ADAMTS6: variants seen among roughly 807,000 people sequenced by gnomAD.
ADAMTS6 encodes ADAM metallopeptidase with thrombospondin type 1 motif 6.
In ADAMTS6, 23 loss-of-function variants were observed where a neutral mutation model predicts 144.3. That is an observed-to-expected ratio of 0.16 (90% confidence interval 0.11 to 0.23). The LOEUF is 0.23. Ranked by LOEUF, ADAMTS6 falls within the 10% of genes least tolerant of loss-of-function variation. ADAMTS6 has a pLI of 1.00. For synonymous variants in ADAMTS6, 444 were observed against 457.5 expected, an observed-to-expected ratio of 0.97 and a Z score of 0.38; for missense variants, 999 against 1,379.6, an observed-to-expected ratio of 0.72 and a Z score of 4.37.
At chr5:65,288,323 T>C (rs572493758) in intron 11 of ADAMTS6, among the ~76,000 whole-genome samples, 5 of 151,226 alleles carry the variant, frequency 3.3e-5, no homozygotes, top group South Asian at 2.1e-4. Context: ...CTTTTCTTTT[T>C]TTTTTTTTTA....
chr5:65,407,019 T>C (rs1193596847), intron 7 of ADAMTS6, among the ~76,000 whole-genome samples: 1 of 152,108 alleles, frequency 6.6e-6, no homozygotes, highest in Non-Finnish European at 1.5e-5. Context: ...TTGGTGTACC[T>C]GAAAGTGACA....
At chr5:65,171,961 A>G (rs1753654290) in intron 23 of ADAMTS6, among the ~76,000 whole-genome samples, 2 of 151,770 alleles carry the variant, frequency 1.3e-5, no homozygotes, top group Non-Finnish European at 2.9e-5. Flanking sequence ...CAGAAAGCCT[A>G]TGAAATTTGG....
Position 65,334,045 on chromosome 5 carries a change from G to A in ADAMTS6, c.1114C>T (p.Leu372=), listed in dbSNP as rs772681229. 6.7e-6 allele frequency: 8 copies of A among 1,186,014 alleles called. No homozygotes were observed. The highest frequency in any genetic ancestry group is 2.1e-5 in the South Asian group (1 of 48,266). 73.5% of individuals were successfully genotyped at this position (1,186,014 alleles called of 1,614,324 possible). Residue 372 remains leucine (L), a synonymous_variant, in exon 8 of 25, where the codon CTG becomes TTG. Coordinates refer to ENST00000381055, the MANE Select transcript of ADAMTS6 (RefSeq NM_197941.4). ...CTYKNKPCGT[L]GLASVAGMCE... ...AAAAAAACCAAAAAAAACTTACCCAGTGTTCCACAGGGCTTATTTTTATAA... is the reference window on the plus strand; with the variant it reads ...AAAAAAACCAAAAAAAACTTACCCAATGTTCCACAGGGCTTATTTTTATAA...
chr5:65,237,486 G>A (rs1160686090), intron 15 of ADAMTS6, among the ~76,000 whole-genome samples: 1 of 151,000 alleles, frequency 6.6e-6, no homozygotes. Context: ...TTTAATAACA[G>A]GTTTTCACAA....
Position 65,174,604 on chromosome 5 carries a change from G to C in ADAMTS6, c.2911-1596C>G, listed in dbSNP as rs1753852517. Among the ~76,000 whole-genome samples the C allele has an allele frequency of 4.6e-5, 7 of 152,234 alleles. No individual in the cohort carries two copies. In the South Asian group the frequency reaches 1.4e-3, roughly 31 times the overall value. On this transcript the variant is annotated intron_variant, in intron 22 of 24. Transcript: ENST00000381055. Reference sequence around the variant, plus strand: ...GGAACTTGCCCACTCCATTTGAGTGGAAGCGTGGCCTGATCACCCACGGTC... The same window carrying C: ...GGAACTTGCCCACTCCATTTGAGTGCAAGCGTGGCCTGATCACCCACGGTC...
chr5:65,467,830 C>T (rs1423946098), intron 3 of ADAMTS6, among the ~76,000 whole-genome samples: 1 of 152,072 alleles, frequency 6.6e-6, no homozygotes, highest in Non-Finnish European at 1.5e-5. Flanking sequence ...AGATGTGGAA[C>T]TAATTTAGGA....
At chr5:65,271,518 A>T (rs1320729359) in intron 12 of ADAMTS6, among the ~76,000 whole-genome samples, 1 of 152,128 alleles carries the variant, frequency 6.6e-6, no homozygotes, top group African/African-American at 2.4e-5. Flanking sequence ...GAAATTTATC[A>T]TCTCTATCAT....
chr5:65,344,572 G>A (rs928342513), intron 7 of ADAMTS6, among the ~76,000 whole-genome samples: 1 of 151,730 alleles, frequency 6.6e-6, no homozygotes, highest in African/African-American at 2.4e-5. Context: ...GAAAATTTTT[G>A]TTTCCAAGTT....
intron 14 of ADAMTS6, among the ~76,000 whole-genome samples, chr5:65,252,735 A>C (rs1760288361): frequency 6.6e-6 from 1 of 152,136 alleles, no homozygotes; most frequent in Admixed American, 6.5e-5. Flanking sequence ...CCATAGCACC[A>C]ACTTCTCAAC....
intron 7 of ADAMTS6, among the ~76,000 whole-genome samples, chr5:65,437,015 C>T (rs923551220): frequency 1.3e-5 from 2 of 152,074 alleles, no homozygotes; most frequent in Admixed American, 1.3e-4. Flanking sequence ...GCCGGGGAGG[C>T]CTTACAATCA....
At chr5:65,293,969 A>G (rs1742576581) in intron 10 of ADAMTS6, among the ~76,000 whole-genome samples, 1 of 152,222 alleles carries the variant, frequency 6.6e-6, no homozygotes, top group Non-Finnish European at 1.5e-5. Flanking sequence ...CAGCATTTAG[A>G]AACATGGAAT....
intron 12 of ADAMTS6, among the ~76,000 whole-genome samples, chr5:65,265,660 G>T (rs1372243099): frequency 5.3e-5 from 8 of 151,654 alleles, no homozygotes; most frequent in African/African-American, 1.7e-4. Flanking sequence ...TTTCAAATTG[G>T]AAACTTAGCA....
At chr5:65,195,707 T>C (rs1476053699) in intron 21 of ADAMTS6, among the ~76,000 whole-genome samples, 1 of 152,230 alleles carries the variant, frequency 6.6e-6, no homozygotes, top group African/African-American at 2.4e-5. Context: ...GAAGCTTCAT[T>C]ATAAAGTTTT....
At chr5:65,249,405 C>T (rs549940339) in intron 14 of ADAMTS6, among the ~76,000 whole-genome samples, 1 of 151,876 alleles carries the variant, frequency 6.6e-6, no homozygotes, top group Non-Finnish European at 1.5e-5. Context: ...CAGGAGTGTA[C>T]TGCATATGTG....
intron 20 of ADAMTS6, among the ~76,000 whole-genome samples, chr5:65,197,560 T>C (rs1024266075): frequency 3.3e-5 from 5 of 152,176 alleles, no homozygotes; most frequent in African/African-American, 1.2e-4. Context: ...AATAGAACAA[T>C]AGGGACAAAT....
At chr5:65,337,541 T>A (rs1747419530) in intron 7 of ADAMTS6, among the ~76,000 whole-genome samples, 1 of 152,174 alleles carries the variant, frequency 6.6e-6, no homozygotes, top group Admixed American at 6.5e-5. Context: ...ATCATTTAAT[T>A]CAAGCTCTAC....
intron 12 of ADAMTS6, 49 bp from the exon 13 acceptor site, chr5:65,263,011 C>G: frequency 6.2e-7 from 1 of 1,611,048 alleles, no homozygotes; most frequent in South Asian, 1.1e-5. Context: ...GCAGATAGAG[C>G]TATCAGGATA....
chr5:65,329,177 C>T (rs935738949), intron 9 of ADAMTS6, among the ~76,000 whole-genome samples: 3 of 152,086 alleles, frequency 2.0e-5, no homozygotes, highest in Non-Finnish European at 2.9e-5. Context: ...GAGGATACTA[C>T]TCTTTGAATA....
At chr5:65,157,932 A>C (rs907654899) in intron 24 of ADAMTS6, among the ~76,000 whole-genome samples, 31 of 152,308 alleles carry the variant, frequency 2.0e-4, no homozygotes, top group Admixed American at 2.0e-3. Flanking sequence ...CAGCTATCGA[A>C]CTTTACACTG....
Sources: gnomAD v4.1 joint callset for allele counts (sites outside exome capture counted in the v4.1 genomes callset) on GRCh38, gnomAD v4.1.1 for gene constraint, MANE v1.5 for transcripts, NCBI Gene and HGNC (gene_info 2026-07-23, HGNC 2026-07-21) for gene names.